GALNT10: variants seen among roughly 807,000 people sequenced by gnomAD.
The protein encoded by GALNT10 is polypeptide N-acetylgalactosaminyltransferase 10.
Under a neutral mutation model 75.0 loss-of-function variants are expected in GALNT10, and 41 were observed. The ratio of observed to expected loss-of-function variants is 0.55; its 90% CI spans 0.43 to 0.71. The LOEUF is 0.71. GALNT10 is among the 30% of genes least tolerant of loss of function. The pLI is 0.00. For synonymous variants in GALNT10, 302 were observed against 313.0 expected (o/e 0.96, Z 0.37); for missense variants, 727 against 818.5 (o/e 0.89, Z 1.36).
chr5:154,326,709 A>G (rs1754761436), intron 3 of GALNT10, among the ~76,000 whole-genome samples: 1 of 152,198 alleles, frequency 6.6e-6, no homozygotes, highest in Admixed American at 6.5e-5. Context: ...GAACACAGAA[A>G]GCAGATTAGG....
intron 1 of GALNT10, among the ~76,000 whole-genome samples, chr5:154,207,921 C>T (rs1260098697): frequency 6.6e-6 from 1 of 152,130 alleles, no homozygotes; most frequent in Non-Finnish European, 1.5e-5. Flanking sequence ...GATTTGCTTT[C>T]GTATGGGTCC....
At chr5:154,222,120 A>G (rs905769660) in intron 1 of GALNT10, among the ~76,000 whole-genome samples, 4 of 151,558 alleles carry the variant, frequency 2.6e-5, no homozygotes, top group African/African-American at 9.7e-5. Flanking sequence ...TTTGTTACCC[A>G]TTCCTCTCTG....
At chr5:154,191,242 G>C (rs948363017) in intron 1 of GALNT10, among the ~76,000 whole-genome samples, 1 of 152,102 alleles carries the variant, frequency 6.6e-6, no homozygotes, top group Non-Finnish European at 1.5e-5. Flanking sequence ...CACTCAGGAC[G>C]CTATTTCTCA....
intron 2 of GALNT10, among the ~76,000 whole-genome samples, chr5:154,297,060 T>C (rs1402932638): frequency 2.0e-5 from 3 of 152,232 alleles, no homozygotes; most frequent in Admixed American, 1.3e-4. Flanking sequence ...CCGTTGATTT[T>C]ATTGCCATTT....
Position 154,327,268 on chromosome 5 carries a change from G to A in GALNT10, c.402-2304G>A, listed in dbSNP as rs984582889. Among the ~76,000 whole-genome samples the A allele has an allele frequency of 3.3e-5, 5 of 152,246 alleles. No homozygotes were observed. The East Asian group carries it at 9.7e-4, about 29-fold the overall frequency. ...TAGTTCTGACCACTGGAAAGGCATA[G>A]AAACTATAACCAACCTAGTAGTAAG... On this transcript the variant is annotated intron_variant, in intron 3 of 11. Transcript: ENST00000297107.
At chr5:154,305,041 C>T (rs1348060523) in intron 3 of GALNT10, among the ~76,000 whole-genome samples, 1 of 152,126 alleles carries the variant, frequency 6.6e-6, no homozygotes, top group East Asian at 1.9e-4. Context: ...GTGGCTTGCA[C>T]CTGTGATCCT....
chr5:154,246,758 T>C (rs1753432224), intron 1 of GALNT10, among the ~76,000 whole-genome samples: 2 of 152,206 alleles, frequency 1.3e-5, no homozygotes, highest in African/African-American at 4.8e-5. Flanking sequence ...ATTCTGTAGG[T>C]TGCCTGTTCA....
chr5:154,260,979 G>A (rs1405800695), intron 1 of GALNT10, among the ~76,000 whole-genome samples: 10 of 152,036 alleles, frequency 6.6e-5, no homozygotes, highest in Middle Eastern at 3.4e-3. Flanking sequence ...TGTAGACACC[G>A]GCCATTCTGT....
intron 1 of GALNT10, among the ~76,000 whole-genome samples, chr5:154,277,398 C>T (rs367786796): frequency 6.6e-6 from 1 of 152,048 alleles, no homozygotes; most frequent in East Asian, 1.9e-4. Context: ...ACTGTCACTT[C>T]TACCTCATTC....
Position 154,419,341 on chromosome 5 carries a change from T to TG in GALNT10, c.*2374dup, listed in dbSNP as rs1317931389. 1 of 152,008 alleles carries TG rather than the reference T, an allele frequency of 6.6e-6. No homozygotes were observed. The highest frequency in any genetic ancestry group is 1.5e-5 in the Non-Finnish European group (1 of 68,072). The allele number at this position is 152,008 out of a possible 1,614,324, so 9.4% of individuals were successfully genotyped here. On this transcript the variant is annotated 3_prime_UTR_variant, in exon 12 of 12. Coordinates refer to ENST00000297107, the MANE Select transcript of GALNT10 (RefSeq NM_198321.4). ...TTGCATTACCTCACTGGGACCTGTT[T>TG]GGGGGCCATCCCTGCGGTCCACCCT...
intron 1 of GALNT10, among the ~76,000 whole-genome samples, chr5:154,213,528 G>A (rs1752814945): frequency 6.6e-6 from 1 of 152,156 alleles, no homozygotes; most frequent in African/African-American, 2.4e-5. Flanking sequence ...GAGGGGCAAG[G>A]GACACTGGCT....
intron 1 of GALNT10, among the ~76,000 whole-genome samples, chr5:154,213,189 A>G (rs1177969868): frequency 6.6e-6 from 1 of 152,186 alleles, no homozygotes; most frequent in Non-Finnish European, 1.5e-5. Context: ...AGTCAAACAC[A>G]GCTATGCTCT....
intron 1 of GALNT10, among the ~76,000 whole-genome samples, chr5:154,253,429 T>G: frequency 6.7e-6 from 1 of 150,022 alleles, no homozygotes; most frequent in Admixed American, 6.6e-5. Flanking sequence ...CATTAGGAGA[T>G]ATACCTAATG....
intron 1 of GALNT10, among the ~76,000 whole-genome samples, chr5:154,206,076 A>G (rs1775105305): frequency 6.6e-6 from 1 of 152,200 alleles, no homozygotes; most frequent in Non-Finnish European, 1.5e-5. Context: ...GTAGGCAGAT[A>G]GATAAAACAC....
At chr5:154,338,288 C>T (rs1754974836) in intron 4 of GALNT10, 4 of 637,182 alleles carry the variant, frequency 6.3e-6, no homozygotes, top group Non-Finnish European at 1.1e-5. Flanking sequence ...GCTTGGATCT[C>T]TCCTTACCAC....
chr5:154,407,250 G>C (rs1334770071), intron 8 of GALNT10, among the ~76,000 whole-genome samples: 1 of 152,158 alleles, frequency 6.6e-6, no homozygotes, highest in African/African-American at 2.4e-5. Context: ...GGAAGGTGTT[G>C]AGAGTAGAGG....
intron 4 of GALNT10, among the ~76,000 whole-genome samples, chr5:154,360,553 C>G (rs1379942909): frequency 6.6e-6 from 1 of 151,792 alleles, no homozygotes; most frequent in Non-Finnish European, 1.5e-5. Flanking sequence ...TGCACAACCA[C>G]TTATATAATA....
chr5:154,381,743 C>T (rs1338300068), intron 6 of GALNT10, among the ~76,000 whole-genome samples: 2 of 152,182 alleles, frequency 1.3e-5, no homozygotes, highest in African/African-American at 4.8e-5. Flanking sequence ...GCCCCTGCCT[C>T]CAACTTTAAA....
intron 1 of GALNT10, among the ~76,000 whole-genome samples, chr5:154,221,408 G>A (rs905437903): frequency 3.9e-5 from 6 of 152,142 alleles, no homozygotes; most frequent in African/African-American, 9.7e-5. Flanking sequence ...GCACCGCTCC[G>A]GGGGTTAGGG....
Sources: gnomAD v4.1 joint callset for allele counts (sites outside exome capture counted in the v4.1 genomes callset) on GRCh38, gnomAD v4.1.1 for gene constraint, MANE v1.5 for transcripts, NCBI Gene and HGNC (gene_info 2026-07-23, HGNC 2026-07-21) for gene names.